The following DLGAP3 variants were observed in gnomAD, a reference collection of about 807,000 sequenced individuals.
DLGAP3 encodes DLG associated protein 3.
In DLGAP3, 17 loss-of-function variants were observed where a neutral mutation model predicts 81.2. The observed-to-expected ratio is 0.21, with a 90% CI of 0.14 to 0.31. The LOEUF (loss-of-function observed/expected upper bound fraction) is 0.31. Among genes scored for constraint, DLGAP3 ranks in the 10% least tolerant of loss-of-function variants. The pLI, the probability that DLGAP3 is intolerant of heterozygous loss-of-function variation, is 1.00. For synonymous variants in DLGAP3, 577 were observed against 587.4 expected (o/e 0.98, Z 0.26); for missense variants, 1,124 against 1,388.0 (o/e 0.81, Z 3.02).
intron 5 of DLGAP3, among the ~76,000 whole-genome samples, chr1:34,899,304 G>A (rs1216652302): frequency 5.3e-5 from 8 of 152,264 alleles, no homozygotes; most frequent in South Asian, 2.1e-4. Flanking sequence ...TCCTGACCTC[G>A]TGATCCGACC....
intron 3 of DLGAP3, among the ~76,000 whole-genome samples, chr1:34,901,572 C>T (rs886849700): frequency 3.3e-5 from 5 of 152,180 alleles, no homozygotes; most frequent in Admixed American, 2.0e-4. Flanking sequence ...CTTATGCCTA[C>T]ATCAGAGGGT....
At chr1:34,896,585 T>TCACACACACACA (rs10593156) in intron 5 of DLGAP3, among the ~76,000 whole-genome samples, 21,612 of 146,646 alleles carry the variant, frequency 0.15, 1,721 homozygotes, top group Middle Eastern at 0.19. Flanking sequence ...CCAGACTCCA[T>TCACACACACACA]CACACACACA....
intron 1 of DLGAP3, among the ~76,000 whole-genome samples, chr1:34,909,324 C>A (rs1444657998): frequency 1.3e-5 from 2 of 152,178 alleles, no homozygotes; most frequent in Non-Finnish European, 2.9e-5. Flanking sequence ...AGACAGATCA[C>A]CCCTCAACTC....
chr1:34,920,050 C>G (rs1012509184), intron 1 of DLGAP3, among the ~76,000 whole-genome samples: 6 of 152,070 alleles, frequency 3.9e-5, no homozygotes, highest in Admixed American at 2.6e-4. Context: ...AGTATGCTGT[C>G]CCACCCCCAC....
chr1:34,916,069 T>C (rs1257408410), intron 1 of DLGAP3, among the ~76,000 whole-genome samples: 1 of 152,076 alleles, frequency 6.6e-6, no homozygotes, highest in African/African-American at 2.4e-5. Flanking sequence ...TGAACACACA[T>C]GGCATACAGT....
rs1419643177 is a variant in DLGAP3 at position 34,928,729 on chromosome 1, A to ACG, written c.-135+720_-135+721dup. ...ACACAGCCAACGCACGCGCGCGCAC[A>ACG]CGCACACACACACACACACAGTCAC... On this transcript the variant is annotated intron_variant, in intron 1 of 11. Coordinates refer to ENST00000373347, the MANE Select transcript of DLGAP3 (RefSeq NM_001080418.3). Among the ~76,000 whole-genome samples, 7 of 151,838 alleles carry ACG rather than the reference A, an allele frequency of 4.6e-5. No individual in the cohort carries two copies. The South Asian group carries it at 1.0e-3, about 23-fold the overall frequency.
intron 8 of DLGAP3, among the ~76,000 whole-genome samples, chr1:34,879,229 A>C (rs1388467359): frequency 6.6e-6 from 1 of 152,186 alleles, no homozygotes; most frequent in Admixed American, 6.5e-5. Context: ...ACTCATCATA[A>C]TGTAGAATCA....
chr1:34,877,471 G>A (rs757039422), intron 8 of DLGAP3, among the ~76,000 whole-genome samples: 1 of 152,178 alleles, frequency 6.6e-6, no homozygotes, highest in Non-Finnish European at 1.5e-5. Flanking sequence ...CAGCATGAAG[G>A]AAACTGAACC....
chr1:34,870,216 A>G (rs1638958907), intron 8 of DLGAP3, among the ~76,000 whole-genome samples: 1 of 152,192 alleles, frequency 6.6e-6, no homozygotes, highest in Non-Finnish European at 1.5e-5. Context: ...CCCTGAATTC[A>G]GAGTTCTTTT....
chr1:34,893,404 G>A (rs548251556), intron 5 of DLGAP3, among the ~76,000 whole-genome samples: 1 of 152,126 alleles, frequency 6.6e-6, no homozygotes, highest in Non-Finnish European at 1.5e-5. Flanking sequence ...CAGGCTAAAG[G>A]GAAAATAAAG....
intron 5 of DLGAP3, among the ~76,000 whole-genome samples, chr1:34,891,671 C>A (rs980525094): frequency 6.6e-6 from 1 of 152,204 alleles, no homozygotes; most frequent in Non-Finnish European, 1.5e-5. Flanking sequence ...TTGCCCTCCC[C>A]AGCTCACACA....
chr1:34,890,415 T>C (rs952277266), intron 5 of DLGAP3, among the ~76,000 whole-genome samples: 2 of 152,234 alleles, frequency 1.3e-5, no homozygotes, highest in Non-Finnish European at 2.9e-5. Flanking sequence ...CTCACACCCT[T>C]GTGTAATCCC....
intron 8 of DLGAP3, among the ~76,000 whole-genome samples, chr1:34,879,258 T>C (rs1322914961): frequency 2.6e-5 from 4 of 152,080 alleles, no homozygotes; most frequent in African/African-American, 7.2e-5. Flanking sequence ...CCTGAGCTTG[T>C]TTTCCTGCAA....
chr1:34,879,907 A>G (rs1639120617), intron 8 of DLGAP3, among the ~76,000 whole-genome samples: 2 of 152,256 alleles, frequency 1.3e-5, no homozygotes, highest in African/African-American at 2.4e-5. Flanking sequence ...TTCAAGAGGC[A>G]TAAAGAAAGA....
chr1:34,904,970 T>G lies in DLGAP3; in HGVS notation c.414A>C (p.Thr138=). ...QLPVQQDGFH[T]LPYQRGPAGA... ...CTGCTGGCCCTCGCTGGTATGGTAGTGTGTGGAAGCCATCTTGTTGAACTG... is the reference window on the plus strand; with the variant it reads ...CTGCTGGCCCTCGCTGGTATGGTAGGGTGTGGAAGCCATCTTGTTGAACTG... Residue 138 remains threonine, a synonymous_variant, in exon 3 of 12, where the codon ACA becomes ACC. Transcript: ENST00000373347. This position sits in a 1 kb window ranked among gnomAD's most constrained non-coding sequence, Gnocchi z 8.1. The G allele has an allele frequency of 6.2e-7, 1 of 1,613,182 alleles. No homozygotes were observed. The highest frequency in any genetic ancestry group is 2.2e-5 in the East Asian group (1 of 44,852).
At chr1:34,869,353 G>C (rs886463660) in intron 8 of DLGAP3, among the ~76,000 whole-genome samples, 9 of 152,192 alleles carry the variant, frequency 5.9e-5, no homozygotes, top group African/African-American at 1.9e-4. Context: ...GCATATACCA[G>C]GCAGAGCAGG....
intron 1 of DLGAP3, among the ~76,000 whole-genome samples, chr1:34,910,191 C>A (rs2148415250): frequency 6.6e-6 from 1 of 152,262 alleles, no homozygotes; most frequent in East Asian, 1.9e-4. Flanking sequence ...TTGCTTTACT[C>A]CAGGTCTACA....
At chr1:34,915,641 C>A (rs1639706027) in intron 1 of DLGAP3, among the ~76,000 whole-genome samples, 1 of 152,204 alleles carries the variant, frequency 6.6e-6, no homozygotes, top group African/African-American at 2.4e-5. Context: ...GAGAGTCCAG[C>A]ACAGGAAGCC....
At chr1:34,879,389 T>C (rs1161884498) in intron 8 of DLGAP3, among the ~76,000 whole-genome samples, 3 of 152,100 alleles carry the variant, frequency 2.0e-5, no homozygotes, top group Non-Finnish European at 4.4e-5. Context: ...CAGGCTCCAA[T>C]GAGAATCGAA....
Sources: allele counts gnomAD v4.1 joint callset (sites outside exome capture counted in the v4.1 genomes callset), GRCh38; gene constraint gnomAD v4.1.1; non-coding constraint Gnocchi (gnomAD v3.1); transcripts MANE v1.5; gene names NCBI Gene and HGNC (gene_info 2026-07-23, HGNC 2026-07-21).